TRIM34: variants seen among roughly 807,000 people sequenced by gnomAD.
TRIM34 encodes tripartite motif containing 34.
A neutral mutation model predicts 38.1 loss-of-function variants in TRIM34; 41 were observed. The ratio of observed to expected loss-of-function variants is 1.08; its 90% CI spans 0.84 to 1.40. The LOEUF is 1.40. TRIM34 is among the 40% of genes most tolerant of loss of function. The pLI is 0.00. For synonymous variants in TRIM34, 200 were observed against 202.5 expected (o/e 0.99, Z 0.10); for missense variants, 556 against 571.4 (o/e 0.97, Z 0.27).
At chr11:5,641,093 C>G in intron 4 of TRIM34, 74 bp from the exon 5 acceptor site, 1 of 1,466,402 alleles carries the variant, frequency 6.8e-7, no homozygotes, top group Non-Finnish European at 9.1e-7. Context: ...TTTTTTCCTA[C>G]TGTTCTTCTT....
At position 5,643,974 on chromosome 11, in the gene TRIM34, A is replaced by C; in HGVS notation, c.*265A>C. On this transcript the variant is annotated 3_prime_UTR_variant, in exon 8 of 8. Coordinates refer to ENST00000429814, the MANE Select transcript of TRIM34 (RefSeq NM_021616.6). The stretch of plus-strand genomic sequence containing the variant: ...AACATCCTTGCCTTCCCATTTATCC[A>C]TGTTTCACTTTATCACTGATATGAA... The C allele has an allele frequency of 2.0e-6, 1 of 507,656 alleles. No individual in the cohort carries two copies. Among genetic ancestry groups the C allele is most frequent in the South Asian group, 4.4e-5 (1 of 22,946 alleles). 31.4% of individuals were successfully genotyped at this position (507,656 alleles called of 1,614,324 possible).
intron 2 of TRIM34, among the ~76,000 whole-genome samples, chr11:5,633,562 C>T (rs1413475158): frequency 6.6e-6 from 1 of 152,146 alleles, no homozygotes; most frequent in Non-Finnish European, 1.5e-5. Flanking sequence ...AGGGTAAATA[C>T]TTACTCTAAG....
At chr11:5,629,199 C>T (rs1460005623) in intron 1 of TRIM34, among the ~76,000 whole-genome samples, 1 of 152,078 alleles carries the variant, frequency 6.6e-6, no homozygotes, top group South Asian at 2.1e-4. Flanking sequence ...ATCGCTTGAA[C>T]CTGGGAGGCG....
upstream of TRIM34, among the ~76,000 whole-genome samples, chr11:5,624,202 G>C (rs968471720): frequency 6.6e-6 from 1 of 152,062 alleles, no homozygotes; most frequent in Non-Finnish European, 1.5e-5. Context: ...CCTCAGATTC[G>C]CGTAAAAATT....
At position 5,643,125 on chromosome 11, in the gene TRIM34, A is replaced by ATATT. The variant is rs1554923130; in HGVS notation, c.902-18_902-17insATTT. 1.2e-4 allele frequency: 113 copies of ATATT among 974,520 alleles called. No individual in the cohort carries two copies. The highest frequency in any genetic ancestry group is 1.1e-3 in the African/African-American group (50 of 46,634). 60.4% of individuals were successfully genotyped at this position (974,520 alleles called of 1,614,324 possible). A position where few individuals can be genotyped will look rare whatever the true frequency, so the allele number is the denominator to read the frequency against. On this transcript the variant is annotated intron_variant, in intron 7 of 7. Coordinates refer to ENST00000429814, the MANE Select transcript of TRIM34 (RefSeq NM_021616.6). ...ATTATATTCATATACATATATATAT[A>ATATT]TTTTTTTTTTTCTTGCAGTGGATGT...
chr11:5,630,263 A>T (rs1590162648), intron 1 of TRIM34, among the ~76,000 whole-genome samples: 1 of 152,152 alleles, frequency 6.6e-6, no homozygotes. Flanking sequence ...TTTTTATAGG[A>T]AGAAAGGACT....
intron 6 of TRIM34, 99 bp from the exon 7 acceptor site, chr11:5,642,718 T>C (rs191054901): frequency 6.5e-7 from 1 of 1,527,960 alleles, no homozygotes; most frequent in African/African-American, 1.4e-5. Flanking sequence ...CACAGCTTCA[T>C]GGTATTCCCT....
upstream of TRIM34, among the ~76,000 whole-genome samples, chr11:5,624,650 T>C (rs1849121755): frequency 6.6e-6 from 1 of 152,200 alleles, no homozygotes; most frequent in Non-Finnish European, 1.5e-5. Context: ...TTCTTTGCTG[T>C]GGGAACTGTC....
intron 4 of TRIM34, among the ~76,000 whole-genome samples, chr11:5,635,987 A>G (rs1240915715): frequency 6.6e-6 from 1 of 152,246 alleles, no homozygotes; most frequent in African/African-American, 2.4e-5. Flanking sequence ...GCAGTTGCTC[A>G]GAAATGTAAA....
At chr11:5,642,977 A>T (rs1850082071) in intron 7 of TRIM34, 134 bp downstream of exon 7, 2 of 1,402,372 alleles carry the variant, frequency 1.4e-6, no homozygotes, top group Non-Finnish European at 1.9e-6. Context: ...ACATTTCTCC[A>T]GTGTTTTACC....
At chr11:5,637,243 T>A (rs950060119) in intron 4 of TRIM34, among the ~76,000 whole-genome samples, 3 of 152,200 alleles carry the variant, frequency 2.0e-5, no homozygotes, top group Non-Finnish European at 4.4e-5. Context: ...AGAGTCCCTG[T>A]AACAGCTTTC....
chr11:5,625,944 T>C (rs1324551976), intron 1 of TRIM34, among the ~76,000 whole-genome samples: 2 of 152,266 alleles, frequency 1.3e-5, no homozygotes, highest in African/African-American at 4.8e-5. Flanking sequence ...ACGGATTTAA[T>C]CTTCTTGTTA....
chr11:5,621,456 G>A (rs985527563), upstream of TRIM34, among the ~76,000 whole-genome samples: 1 of 152,180 alleles, frequency 6.6e-6, no homozygotes, highest in Non-Finnish European at 1.5e-5. Flanking sequence ...CATGGAAATA[G>A]CTGCATATTC....
upstream of TRIM34, among the ~76,000 whole-genome samples, chr11:5,623,461 G>C (rs558134791): frequency 2.0e-5 from 3 of 151,622 alleles, no homozygotes. Context: ...TCCGCCTCCC[G>C]GGTTCAAGCA....
rs534228310 is a variant in TRIM34, at chr11:5,630,678, A to G, written c.-77-1577A>G. ...GCTTTCATTAAACTCTTACTTATCC[A>G]AGCAAGATATCTTGGATAGTTCTCT... On this transcript the variant is annotated intron_variant, in intron 1 of 7. Coordinates refer to ENST00000429814, the MANE Select transcript of TRIM34 (RefSeq NM_021616.6). Among the ~76,000 whole-genome samples, 165 of 152,246 alleles carry G rather than the reference A, an allele frequency of 1.1e-3. 1 individual carries two copies. Among genetic ancestry groups the G allele is most frequent in the African/African-American group, 3.5e-3 (147 of 41,542 alleles).
Position 5,639,679 on chromosome 11 carries a change from CAAAAAAAAAAAAAAAA to C in TRIM34, c.751-1475_751-1460del, listed in dbSNP as rs58134807. Among the ~76,000 whole-genome samples, 19 of 51,132 alleles carry C rather than the reference CAAAAAAAAAAAAAAAA, an allele frequency of 3.7e-4. 1 individual carries two copies. The highest frequency in any genetic ancestry group is 5.5e-4 in the Non-Finnish European group (17 of 30,936). The allele number at this position is 51,132 out of a possible 152,430, so 33.5% of individuals were successfully genotyped here. On this transcript the variant is annotated intron_variant, in intron 4 of 7. Transcript: ENST00000429814. The stretch of plus-strand genomic sequence containing the variant: ...TGGGTGACAGAGTGAGACTCTATTT[CAAAAAAAAAAAAAAAA>C]AAAAAAAAAAAAGATTGGAAGAGGT...
At chr11:5,637,266 T>C (rs1211769105) in intron 4 of TRIM34, among the ~76,000 whole-genome samples, 1 of 152,164 alleles carries the variant, frequency 6.6e-6, no homozygotes, top group Non-Finnish European at 1.5e-5. Flanking sequence ...TCTATATGGA[T>C]TCTCATGATG....
chr11:5,635,475 A>C (rs1473963994), intron 4 of TRIM34, among the ~76,000 whole-genome samples: 1 of 151,980 alleles, frequency 6.6e-6, no homozygotes, highest in Non-Finnish European at 1.5e-5. Flanking sequence ...CCAGTATGGT[A>C]TTAATCTCCT....
At chr11:5,641,748 AG>A (rs1850021786) in intron 5 of TRIM34, among the ~76,000 whole-genome samples, 1 of 152,218 alleles carries the variant, frequency 6.6e-6, no homozygotes, top group East Asian at 1.9e-4. Flanking sequence ...CCTATGGAAA[AG>A]TGTAGTCCTT....
Sources: allele counts gnomAD v4.1 joint callset (sites outside exome capture counted in the v4.1 genomes callset), GRCh38; gene constraint gnomAD v4.1.1; transcripts MANE v1.5; gene names NCBI Gene and HGNC (gene_info 2026-07-23, HGNC 2026-07-21).